The following ZMIZ1 variants were observed in gnomAD, a reference collection of about 807,000 sequenced individuals.
ZMIZ1 encodes zinc finger MIZ domain-containing protein 1.
Under a neutral mutation model 113.9 loss-of-function variants are expected in ZMIZ1, and 17 were observed. The observed-to-expected ratio is 0.15, with a 90% CI of 0.10 to 0.22. The LOEUF is 0.22. ZMIZ1 is among the 10% of genes least tolerant of loss of function. The pLI is 1.00. For synonymous variants in ZMIZ1, 607 were observed against 603.1 expected, an observed-to-expected ratio of 1.01 and a Z score of -0.09; for missense variants, 1,059 against 1,477.8, an observed-to-expected ratio of 0.72 and a Z score of 4.65.
intron 7 of ZMIZ1, among the ~76,000 whole-genome samples, chr10:79,255,102 C>T (rs1336822662): frequency 6.6e-6 from 1 of 152,222 alleles, no homozygotes; most frequent in Non-Finnish European, 1.5e-5. Flanking sequence ...AGCCGATTCC[C>T]TCTGGCCTTG....
chr10:79,215,246 C>T (rs1180992939), intron 6 of ZMIZ1, among the ~76,000 whole-genome samples: 5 of 151,494 alleles, frequency 3.3e-5, no homozygotes, highest in African/African-American at 7.3e-5. Context: ...AAGCCTTAGT[C>T]GATTAAGCAG....
At chr10:79,211,698 C>T (rs940051669) in intron 6 of ZMIZ1, among the ~76,000 whole-genome samples, 2 of 152,238 alleles carry the variant, frequency 1.3e-5, no homozygotes, top group East Asian at 1.9e-4. Flanking sequence ...CTTAAGGATG[C>T]GGAAGCACAG....
At chr10:79,311,447 C>T (rs905330972) in intron 24 of ZMIZ1, among the ~76,000 whole-genome samples, 1 of 152,156 alleles carries the variant, frequency 6.6e-6, no homozygotes, top group Non-Finnish European at 1.5e-5. Flanking sequence ...CACCTTCTGA[C>T]CCAAGCCCTG....
chr10:79,251,090 G>A (rs996559178), intron 7 of ZMIZ1, among the ~76,000 whole-genome samples: 18 of 152,146 alleles, frequency 1.2e-4, no homozygotes, highest in Non-Finnish European at 1.8e-4. Flanking sequence ...GCACTGCACT[G>A]AATTGGGGGT....
intron 4 of ZMIZ1, among the ~76,000 whole-genome samples, chr10:79,182,323 C>T (rs574473832): frequency 6.6e-6 from 1 of 152,208 alleles, no homozygotes; most frequent in Non-Finnish European, 1.5e-5. Flanking sequence ...CAGCTGCTGC[C>T]TGATGCACCC....
chr10:79,135,533 T>C (rs1214303954), intron 2 of ZMIZ1, among the ~76,000 whole-genome samples: 1 of 152,230 alleles, frequency 6.6e-6, no homozygotes, highest in Non-Finnish European at 1.5e-5. Flanking sequence ...TCCCCTGGCA[T>C]TGATAGGTGA....
At chr10:79,216,414 T>A in intron 7 of ZMIZ1, 140 bp downstream of exon 7, 1 of 650,142 alleles carries the variant, frequency 1.5e-6, no homozygotes, top group South Asian at 2.3e-5. Flanking sequence ...GAAGAGCAAC[T>A]CATCCACCAG....
chr10:79,175,200 T>A (rs1467705218), intron 4 of ZMIZ1, among the ~76,000 whole-genome samples: 1 of 152,176 alleles, frequency 6.6e-6, no homozygotes, highest in Non-Finnish European at 1.5e-5. Context: ...CGCTAATTCA[T>A]GACCCAAAAG....
At position 79,290,873 on chromosome 10, in the gene ZMIZ1, C is replaced by T. The variant is rs1413249288; in HGVS notation, c.541-86C>T. The stretch of plus-strand genomic sequence containing the variant: ...TTGTCCTGCCTCCACTTTGTTCTTT[C>T]TCCCTTTCCCCTCTTCATTTATCCC... On this transcript the variant is annotated intron_variant, in intron 9 of 24. Coordinates refer to ENST00000334512, the MANE Select transcript of ZMIZ1 (RefSeq NM_020338.4). The T allele has an allele frequency of 6.0e-6, 9 of 1,496,124 alleles. 1 individual carries two copies. Among genetic ancestry groups the T allele is most frequent in the Non-Finnish European group, 8.4e-6 (9 of 1,076,190 alleles). The allele number at this position is 1,496,124 out of a possible 1,614,324, so 92.7% of individuals were successfully genotyped here.
At chr10:79,285,616 T>G (rs1258814747) in intron 8 of ZMIZ1, 1 of 455,774 alleles carries the variant, frequency 2.2e-6, no homozygotes, top group Non-Finnish European at 4.4e-6. Context: ...TCAGCATCAC[T>G]CCAAGGGTGA....
chr10:79,144,846 G>A (rs916829012), intron 3 of ZMIZ1, among the ~76,000 whole-genome samples: 1 of 151,786 alleles, frequency 6.6e-6, no homozygotes, highest in Non-Finnish European at 1.5e-5. Context: ...TTCAATGTTC[G>A]GTGGGCGGGC....
intron 19 of ZMIZ1, among the ~76,000 whole-genome samples, chr10:79,304,595 C>T (rs551605063): frequency 2.6e-5 from 4 of 152,182 alleles, no homozygotes; most frequent in Non-Finnish European, 5.9e-5. Flanking sequence ...AATGAGTAAA[C>T]ATGGGCAGCC....
Position 79,292,380 on chromosome 10 carries a change from TCCAGCCTTGC to T in ZMIZ1, c.957+31_957+40del, listed in dbSNP as rs754611352. On this transcript the variant is annotated intron_variant, in intron 11 of 24. Transcript: ENST00000334512. ...CGGTAAGGGTTCCCACTAATCCTGG[TCCAGCCTTGC>T]CCAGCCAGCCAGGCAGACAGCCCTG... 440 of 1,590,050 alleles carry T rather than the reference TCCAGCCTTGC, an allele frequency of 2.8e-4. 1 individual carries two copies. The highest frequency in any genetic ancestry group is 3.7e-4 in the Non-Finnish European group (430 of 1,162,044).
At chr10:79,082,534 A>T (rs1475564854) in intron 1 of ZMIZ1, among the ~76,000 whole-genome samples, 1 of 152,182 alleles carries the variant, frequency 6.6e-6, no homozygotes, top group Admixed American at 6.5e-5. Flanking sequence ...CAGTCTACTT[A>T]ATGCCCTTCT....
At chr10:79,206,099 C>A (rs1848307931) in intron 5 of ZMIZ1, among the ~76,000 whole-genome samples, 1 of 150,980 alleles carries the variant, frequency 6.6e-6, no homozygotes, top group South Asian at 2.1e-4. Flanking sequence ...CAGAATGAGA[C>A]CCTGTCCAAA....
intron 8 of ZMIZ1, among the ~76,000 whole-genome samples, chr10:79,282,314 T>C (rs1852788946): frequency 6.6e-6 from 1 of 152,204 alleles, no homozygotes; most frequent in Non-Finnish European, 1.5e-5. Context: ...TAAGGCGACA[T>C]TGAGCTGGAG....
At chr10:79,265,548 A>G (rs1367681787) in intron 7 of ZMIZ1, among the ~76,000 whole-genome samples, 3 of 148,444 alleles carry the variant, frequency 2.0e-5, no homozygotes, top group East Asian at 2.0e-4. Context: ...GGAATGATCT[A>G]GAAAACTCAG....
chr10:79,213,097 A>G (rs1380365983), intron 6 of ZMIZ1, among the ~76,000 whole-genome samples: 1 of 152,126 alleles, frequency 6.6e-6, no homozygotes, highest in Non-Finnish European at 1.5e-5. Context: ...GACAGCCAAC[A>G]GAGGGTCACA....
intron 4 of ZMIZ1, among the ~76,000 whole-genome samples, chr10:79,196,313 C>T (rs1029956195): frequency 3.3e-5 from 5 of 152,200 alleles, no homozygotes; most frequent in African/African-American, 7.2e-5. Context: ...GTGTTGCAAG[C>T]CCAGACACTC....
Sources: gnomAD v4.1 joint callset for allele counts (sites outside exome capture counted in the v4.1 genomes callset) on GRCh38, gnomAD v4.1.1 for gene constraint, MANE v1.5 for transcripts, NCBI Gene and HGNC (gene_info 2026-07-23, HGNC 2026-07-21) for gene names.